The following LDB2 variants were observed in gnomAD, a reference collection of about 807,000 sequenced individuals.
LDB2 encodes the protein LIM domain binding 2, also known as LIM domain-binding protein 2.
A neutral mutation model predicts 44.3 loss-of-function variants in LDB2; 12 were observed. That is an observed-to-expected ratio of 0.27 (90% confidence interval 0.17 to 0.44). The LOEUF is 0.44. Among genes scored for constraint, LDB2 ranks in the 20% least tolerant of loss-of-function variants. The probability of loss-of-function intolerance (pLI) is 1.00; values close to 1 mark genes in which losing one functional copy is unlikely to be tolerated. For synonymous variants in LDB2, 164 were observed against 174.8 expected, an observed-to-expected ratio of 0.94 and a Z score of 0.49; for missense variants, 344 against 473.5, an observed-to-expected ratio of 0.73 and a Z score of 2.54.
chr4:16,762,506 A>G (rs1280575855), intron 1 of LDB2, among the ~76,000 whole-genome samples: 2 of 152,124 alleles, frequency 1.3e-5, no homozygotes, highest in African/African-American at 2.4e-5. Flanking sequence ...ATTTACAATC[A>G]TGGTGGAAGG....
intron 1 of LDB2, among the ~76,000 whole-genome samples, chr4:16,782,368 T>G (rs1773458847): frequency 6.6e-6 from 1 of 151,016 alleles, no homozygotes; most frequent in South Asian, 2.1e-4. Context: ...TTTTTTTTTT[T>G]GAGACGGAGT....
chr4:16,885,803 G>C (rs1380918832), intron 1 of LDB2, among the ~76,000 whole-genome samples: 7 of 152,196 alleles, frequency 4.6e-5, no homozygotes, highest in Non-Finnish European at 5.9e-5. Flanking sequence ...GGGATAGGGA[G>C]TGAGAGAGAG....
At chr4:16,857,265 G>T (rs1789534868) in intron 1 of LDB2, among the ~76,000 whole-genome samples, 1 of 152,148 alleles carries the variant, frequency 6.6e-6, no homozygotes, top group South Asian at 2.1e-4. Flanking sequence ...GGAATGAATG[G>T]AATCTTACGT....
chr4:16,586,550 CATAT>C lies in LDB2; in HGVS notation c.532-549_532-546del, dbSNP rs796273220. ...CAAAACACACACACACACACACACA[CATAT>C]ATATGGAGAGACAGAATTCTCACTC... On this transcript the variant is annotated intron_variant, in intron 4 of 7. Coordinates refer to ENST00000304523, the MANE Select transcript of LDB2 (RefSeq NM_001290.5). Among the ~76,000 whole-genome samples, 952 of 136,880 alleles carry C rather than the reference CATAT, an allele frequency of 7.0e-3. 6 individuals carry two copies. Among genetic ancestry groups the C allele is most frequent in the African/African-American group, 0.013 (466 of 36,566 alleles). The allele number at this position is 136,880 out of a possible 152,430, so 89.8% of individuals were successfully genotyped here. A position where few individuals can be genotyped will look rare whatever the true frequency, so the allele number is the denominator to read the frequency against.
intron 2 of LDB2, among the ~76,000 whole-genome samples, chr4:16,678,370 T>A (rs965996983): frequency 6.6e-6 from 1 of 152,236 alleles, no homozygotes; most frequent in Admixed American, 6.5e-5. Flanking sequence ...TACATTAGAC[T>A]GGACATACTG....
In LDB2 at chr4:16,687,749, A is replaced by G. The variant is rs148140563; in HGVS notation, c.235+71409T>C. Among the ~76,000 whole-genome samples the G allele has an allele frequency of 4.0e-3, 604 of 151,908 alleles. 7 individuals are homozygous for G. The highest frequency in any genetic ancestry group is 0.014 in the African/African-American group (570 of 41,510). ...GTACAAGGTACCATGCTAGGCCTGG[A>G]GCAAAAAGGAGATCAGGAAAAAGGC... On this transcript the variant is annotated intron_variant, in intron 2 of 7. Transcript: ENST00000304523.
At chr4:16,636,698 GA>G (rs1350568392) in intron 2 of LDB2, among the ~76,000 whole-genome samples, 1 of 152,190 alleles carries the variant, frequency 6.6e-6, no homozygotes, top group Non-Finnish European at 1.5e-5. Flanking sequence ...TGGGGGACAA[GA>G]GGGGCAGTCT....
intron 2 of LDB2, among the ~76,000 whole-genome samples, chr4:16,608,893 C>A (rs1379039535): frequency 2.0e-5 from 3 of 152,180 alleles, no homozygotes; most frequent in Non-Finnish European, 4.4e-5. Flanking sequence ...AGGCTTCTCT[C>A]TCTGGCTTCA....
chr4:16,653,330 G>A (rs1031681566), intron 2 of LDB2, among the ~76,000 whole-genome samples: 3 of 152,182 alleles, frequency 2.0e-5, no homozygotes, highest in African/African-American at 7.2e-5. Context: ...TGGACAGCAG[G>A]TGAACTGGGA....
intron 2 of LDB2, among the ~76,000 whole-genome samples, chr4:16,612,421 C>T (rs562876858): frequency 8.8e-4 from 134 of 152,116 alleles, no homozygotes; most frequent in Non-Finnish European, 1.8e-3. Context: ...TCAACGAATC[C>T]AGGAGCAGGT....
At chr4:16,669,742 T>C (rs1744234633) in intron 2 of LDB2, among the ~76,000 whole-genome samples, 1 of 152,212 alleles carries the variant, frequency 6.6e-6, no homozygotes, top group Non-Finnish European at 1.5e-5. Context: ...TTCTAATACT[T>C]AAAACCTGGG....
chr4:16,840,147 A>G lies in LDB2; in HGVS notation c.132+58207T>C, dbSNP rs116409590. Among the ~76,000 whole-genome samples, 898 of 152,302 alleles carry G rather than the reference A, an allele frequency of 5.9e-3. 12 individuals carry two copies. Among genetic ancestry groups the G allele is most frequent in the African/African-American group, 0.02 (840 of 41,560 alleles). On this transcript the variant is annotated intron_variant, in intron 1 of 7. Transcript: ENST00000304523. ...TCACAGACAAAGAGCTAAGGACCTA[A>G]GAAGTTGAGTAACTTGCTCAACTAT... is the stretch of plus-strand genomic sequence containing the variant.
At chr4:16,526,342 G>A (rs1413839675) in intron 5 of LDB2, among the ~76,000 whole-genome samples, 2 of 152,170 alleles carry the variant, frequency 1.3e-5, no homozygotes, top group Admixed American at 6.5e-5. Flanking sequence ...GTGCTCCCCC[G>A]ACCCCCACCT....
Position 16,639,994 on chromosome 4 carries a change from T to TGAA in LDB2, c.236-44122_236-44120dup, listed in dbSNP as rs139281974. On this transcript the variant is annotated intron_variant, in intron 2 of 7. Coordinates refer to ENST00000304523, the MANE Select transcript of LDB2 (RefSeq NM_001290.5). Reference sequence around the variant, plus strand: ...CAACTTTACAATATTCTCACACCAGTGAAGTTAGCTAATTCCCAAATTTTC... The same window carrying TGAA: ...CAACTTTACAATATTCTCACACCAGTGAAGAAGTTAGCTAATTCCCAAATTTTC... Among the ~76,000 whole-genome samples, 436 of 152,330 alleles carry TGAA rather than the reference T, an allele frequency of 2.9e-3. 3 individuals are homozygous for TGAA. Among genetic ancestry groups the TGAA allele is most frequent in the African/African-American group, 0.01 (424 of 41,580 alleles).
chr4:16,853,383 T>C (rs548703807), intron 1 of LDB2, among the ~76,000 whole-genome samples: 1 of 152,108 alleles, frequency 6.6e-6, no homozygotes, highest in Non-Finnish European at 1.5e-5. Context: ...TATGGAAAGG[T>C]GTTCAACATT....
intron 5 of LDB2, among the ~76,000 whole-genome samples, chr4:16,546,634 C>T (rs925150886): frequency 2.0e-5 from 3 of 152,122 alleles, no homozygotes; most frequent in African/African-American, 7.2e-5. Flanking sequence ...TCCTTGCCAC[C>T]CCCTTCCCAT....
chr4:16,884,933 G>GA (rs33947506), intron 1 of LDB2, among the ~76,000 whole-genome samples: 32,638 of 151,876 alleles, frequency 0.21, 5,826 homozygotes, highest in African/African-American at 0.5. Context: ...ACTAAGTAAA[G>GA]AAAAAAATTT....
In LDB2 at chr4:16,674,221, A is replaced by G. The variant is rs1313833573; in HGVS notation, c.236-78346T>C. 7.8e-6 allele frequency: 10 copies of G among 1,288,134 alleles called. No individual in the cohort carries two copies. In the East Asian group the frequency reaches 1.7e-4, roughly 21 times the overall value. 79.8% of individuals were successfully genotyped at this position (1,288,134 alleles called of 1,614,324 possible). A position where few individuals can be genotyped will look rare whatever the true frequency, so the allele number is the denominator to read the frequency against. The stretch of plus-strand genomic sequence containing the variant: ...GTACCTTTGGTCAAACAGAAAAGCA[A>G]TTACATGATAGGAAATTGTAATAAT... On this transcript the variant is annotated intron_variant, in intron 2 of 7. Transcript: ENST00000304523.
At chr4:16,653,794 T>G (rs1738969023) in intron 2 of LDB2, 1 of 152,214 alleles carries the variant, frequency 6.6e-6, no homozygotes, top group Admixed American at 6.5e-5. Flanking sequence ...CTTTGCTGGG[T>G]GCACCACGAT....
Sources: gnomAD v4.1 joint callset for allele counts (sites outside exome capture counted in the v4.1 genomes callset) on GRCh38, gnomAD v4.1.1 for gene constraint, MANE v1.5 for transcripts, NCBI Gene and HGNC (gene_info 2026-07-23, HGNC 2026-07-21) for gene names.